BMPR1A: variants seen among roughly 807,000 people sequenced by gnomAD.
BMPR1A encodes the protein bone morphogenetic protein receptor type 1A, also known as bone morphogenetic protein receptor type-1A.
A neutral mutation model predicts 66.0 loss-of-function variants in BMPR1A; 7 were observed. That is an observed-to-expected ratio of 0.11 (90% CI 0.06 to 0.20). BMPR1A has a LOEUF of 0.20. BMPR1A is among the 10% of genes least tolerant of loss of function. BMPR1A has a pLI of 1.00. For synonymous variants in BMPR1A, 200 were observed against 229.7 expected (o/e 0.87, Z 1.17); for missense variants, 408 against 669.1 (o/e 0.61, Z 4.31).
At chr10:86,864,817 T>C (rs979875699) in intron 2 of BMPR1A, among the ~76,000 whole-genome samples, 2 of 152,134 alleles carry the variant, frequency 1.3e-5, no homozygotes, top group African/African-American at 4.8e-5. Context: ...CACCAGTCAT[T>C]CTATACGACA....
chr10:86,877,408 C>T (rs1235103808), intron 3 of BMPR1A, among the ~76,000 whole-genome samples: 2 of 151,996 alleles, frequency 1.3e-5, no homozygotes, highest in Non-Finnish European at 2.9e-5. Flanking sequence ...GGGGTTTCAC[C>T]GTGTTAGCCA....
intron 2 of BMPR1A, among the ~76,000 whole-genome samples, chr10:86,866,137 C>A (rs147441412): frequency 6.6e-6 from 1 of 152,146 alleles, no homozygotes; most frequent in Non-Finnish European, 1.5e-5. Flanking sequence ...AGAGCCTCTC[C>A]AGGAACCAGC....
At chr10:86,905,032 TTAAAGTTAAAGAGAGG>T (rs1843366015) in intron 7 of BMPR1A, among the ~76,000 whole-genome samples, 1 of 152,174 alleles carries the variant, frequency 6.6e-6, no homozygotes, top group African/African-American at 2.4e-5. Flanking sequence ...AAGAATAAAA[TTAAAGTTAAAGAGAGG>T]TCTGTCCGTC....
chr10:86,917,855 A>C (rs2133580864), intron 9 of BMPR1A, among the ~76,000 whole-genome samples: 1 of 152,284 alleles, frequency 6.6e-6, no homozygotes, highest in South Asian at 2.1e-4. Flanking sequence ...GAGAGCCCAT[A>C]GCATGTTGCC....
At chr10:86,863,401 C>T (rs1182693152) in intron 2 of BMPR1A, among the ~76,000 whole-genome samples, 1 of 152,082 alleles carries the variant, frequency 6.6e-6, no homozygotes, top group Non-Finnish European at 1.5e-5. Context: ...CTAATCTAAC[C>T]CAGAATACTC....
intron 2 of BMPR1A, among the ~76,000 whole-genome samples, chr10:86,847,236 GT>G (rs942655392): frequency 1.3e-5 from 2 of 152,072 alleles, no homozygotes; most frequent in Non-Finnish European, 2.9e-5. Context: ...ATGCCACAAG[GT>G]TTTCAGGTAA....
At chr10:86,866,691 T>A (rs1177573764) in intron 2 of BMPR1A, among the ~76,000 whole-genome samples, 1 of 140,686 alleles carries the variant, frequency 7.1e-6, no homozygotes, top group Non-Finnish European at 1.5e-5. Flanking sequence ...TTGCGCTTCA[T>A]TTTTTTTTTT....
intron 1 of BMPR1A, among the ~76,000 whole-genome samples, chr10:86,822,207 C>T (rs1220003911): frequency 2.6e-5 from 4 of 152,252 alleles, no homozygotes; most frequent in African/African-American, 9.6e-5. Context: ...TATACAGGTT[C>T]TAAATCTTTC....
chr10:86,758,996 T>C (rs926681810), intron 1 of BMPR1A, among the ~76,000 whole-genome samples: 8 of 152,208 alleles, frequency 5.3e-5, no homozygotes, highest in African/African-American at 1.2e-4. Flanking sequence ...AGTGGGGAAA[T>C]ACTTATTGAA....
chr10:86,888,185 C>T (rs1038412592), intron 3 of BMPR1A, among the ~76,000 whole-genome samples: 1 of 150,860 alleles, frequency 6.6e-6, no homozygotes, highest in Non-Finnish European at 1.5e-5. Flanking sequence ...CTCTCCTGGC[C>T]GGGCACGGTG....
chr10:86,911,173 AAAATT>A (rs1477902082), intron 7 of BMPR1A, among the ~76,000 whole-genome samples: 2 of 151,670 alleles, frequency 1.3e-5, no homozygotes, highest in African/African-American at 2.4e-5. Context: ...AAAAAAAAAA[AAAATT>A]AAACCTTGAG....
intron 1 of BMPR1A, among the ~76,000 whole-genome samples, chr10:86,821,175 A>G (rs1219939311): frequency 6.6e-6 from 1 of 152,132 alleles, no homozygotes; most frequent in Admixed American, 6.5e-5. Flanking sequence ...CGGTGTTGAG[A>G]CTGCCTTGGT....
chr10:86,911,139 A>G (rs1488892207), intron 7 of BMPR1A, among the ~76,000 whole-genome samples: 1 of 135,102 alleles, frequency 7.4e-6, no homozygotes, highest in Non-Finnish European at 1.5e-5. Flanking sequence ...TGGGTGACAG[A>G]GTGAGACCCT....
intron 1 of BMPR1A, among the ~76,000 whole-genome samples, chr10:86,775,383 G>T (rs1388487439): frequency 6.6e-6 from 1 of 152,164 alleles, no homozygotes; most frequent in Non-Finnish European, 1.5e-5. Flanking sequence ...AGCACTCCAG[G>T]AGATGAGGCT....
chr10:86,890,007 G>T, intron 3 of BMPR1A, 55 bp from the exon 4 acceptor site: 1 of 1,594,808 alleles, frequency 6.3e-7, no homozygotes, highest in South Asian at 1.1e-5. Context: ...AAATTGTCAC[G>T]AAACAATGAG....
intron 2 of BMPR1A, among the ~76,000 whole-genome samples, chr10:86,839,744 A>G (rs2133116034): frequency 6.6e-6 from 1 of 151,612 alleles, no homozygotes; most frequent in Middle Eastern, 3.4e-3. Flanking sequence ...CATAGTTTCA[A>G]CTCCCTGGGC....
chr10:86,791,200 C>G (rs558134478), intron 1 of BMPR1A, among the ~76,000 whole-genome samples: 1 of 149,796 alleles, frequency 6.7e-6, no homozygotes, highest in South Asian at 2.1e-4. Context: ...TATGAGCAAG[C>G]CTTCTCAGTG....
At chr10:86,857,353 G>C (rs991434118) in intron 2 of BMPR1A, among the ~76,000 whole-genome samples, 1 of 152,168 alleles carries the variant, frequency 6.6e-6, no homozygotes, top group Non-Finnish European at 1.5e-5. Flanking sequence ...CCATGAATTA[G>C]AGGTTCTCTC....
At chr10:86,757,944 A>G (rs910212020) in intron 1 of BMPR1A, among the ~76,000 whole-genome samples, 8 of 152,204 alleles carry the variant, frequency 5.3e-5, no homozygotes, top group Non-Finnish European at 2.9e-5. Context: ...TCTTACTTGA[A>G]ATTATCGCTA....
Sources: gnomAD v4.1 joint callset for allele counts (sites outside exome capture counted in the v4.1 genomes callset) on GRCh38, gnomAD v4.1.1 for gene constraint, MANE v1.5 for transcripts, NCBI Gene and HGNC (gene_info 2026-07-23, HGNC 2026-07-21) for gene names.